SRRM4: variants seen among roughly 807,000 people sequenced by gnomAD.
SRRM4 encodes the protein serine/arginine repetitive matrix protein 4.
A neutral mutation model predicts 68.9 loss-of-function variants in SRRM4; 33 were observed. The ratio of observed to expected loss-of-function variants is 0.48; its 90% CI spans 0.36 to 0.64. SRRM4 has a LOEUF of 0.64. Ranked by LOEUF, SRRM4 falls within the 30% of genes least tolerant of loss-of-function variation. The probability of loss-of-function intolerance (pLI) is 0.00; values close to 1 mark genes in which losing one functional copy is unlikely to be tolerated. For missense variants in SRRM4, 817 were observed against 827.1 expected (o/e 0.99, Z 0.15); for synonymous variants, 318 against 318.8 (o/e 1.00, Z 0.03).
At chr12:119,068,010 C>G (rs958014904) in intron 1 of SRRM4, among the ~76,000 whole-genome samples, 1 of 152,220 alleles carries the variant, frequency 6.6e-6, no homozygotes, top group Non-Finnish European at 1.5e-5. Context: ...CACACCTTAC[C>G]TAGCAGATGT....
At chr12:119,016,950 C>A (rs1953485748) in intron 1 of SRRM4, among the ~76,000 whole-genome samples, 1 of 152,112 alleles carries the variant, frequency 6.6e-6, no homozygotes, top group Non-Finnish European at 1.5e-5. Context: ...GGATTAAATA[C>A]CACCTACTTC....
intron 10 of SRRM4, 58 bp downstream of exon 10, chr12:119,151,278 T>C: frequency 6.8e-7 from 1 of 1,478,970 alleles, no homozygotes; most frequent in Non-Finnish European, 9.5e-7. Context: ...AATTAGTTAA[T>C]TGCAGATGTC....
rs755387792 is a variant in SRRM4 at position 119,122,280 on chromosome 12, AAGGCAGGAAGGC to A, written c.515+164_515+175del. On this transcript the variant is annotated intron_variant, in intron 6 of 12. Coordinates refer to ENST00000267260, the MANE Select transcript of SRRM4 (RefSeq NM_194286.4). ...GAAGGCAGGAAGGCAGGAAGGCAGGAAGGCAGGAAGGCAGGAAGGAAGGAAGGAAGGAAGGAA... is the reference window on the plus strand; with the variant it reads ...GAAGGCAGGAAGGCAGGAAGGCAGGAAGGAAGGAAGGAAGGAAGGAAGGAA... Among the ~76,000 whole-genome samples the A allele has an allele frequency of 8.3e-3, 798 of 96,654 alleles. 2 individuals are homozygous for A. The highest frequency in any genetic ancestry group is 0.012 in the Non-Finnish European group (543 of 45,044). 63.4% of individuals were successfully genotyped at this position (96,654 alleles called of 152,430 possible). A position where few individuals can be genotyped will look rare whatever the true frequency, so the allele number is the denominator to read the frequency against.
In SRRM4 at chr12:119,130,806, T is replaced by G; in HGVS notation, c.743T>G (p.Met248Arg). Residue 248 changes from methionine (M) to arginine (R), a missense_variant, in exon 8 of 13, where the codon ATG becomes AGG. Physicochemically the swap from Met to Arg is moderately conservative, Grantham distance 91. Transcript: ENST00000267260. ...SSRPPSQPLQ[M>R]LGYLSARGVI... ...CGCCCGCCCAGTCAACCCCTCCAGA[T>G]GCTTGGCTACCTGTCAGCCAGGGGT... 1 of 1,607,106 alleles carries G rather than the reference T, an allele frequency of 6.2e-7. No homozygotes were observed. The highest frequency in any genetic ancestry group is 8.5e-7 in the Non-Finnish European group (1 of 1,179,734).
chr12:119,029,622 G>C (rs1405599575), intron 1 of SRRM4, among the ~76,000 whole-genome samples: 1 of 152,184 alleles, frequency 6.6e-6, no homozygotes, highest in East Asian at 1.9e-4. Context: ...TTACAAACTA[G>C]ACTTAGCTTT....
rs181524841 is a variant in SRRM4, at chr12:119,070,990, T to C, written c.132-31246T>C. Among the ~76,000 whole-genome samples, 557 of 152,318 alleles carry C rather than the reference T, an allele frequency of 3.7e-3. 6 individuals are homozygous for C. The highest frequency in any genetic ancestry group is 0.012 in the African/African-American group (497 of 41,572). ...AGGACTGGCTATGAGCTGATGAAGCTGGATGCTTGGGTATGACCTCTCCCA... is the reference window on the plus strand; with the variant it reads ...AGGACTGGCTATGAGCTGATGAAGCCGGATGCTTGGGTATGACCTCTCCCA... On this transcript the variant is annotated intron_variant, in intron 1 of 12. Transcript: ENST00000267260.
chr12:119,091,704 T>C (rs1954015268), intron 1 of SRRM4, among the ~76,000 whole-genome samples: 1 of 152,156 alleles, frequency 6.6e-6, no homozygotes, highest in Admixed American at 6.5e-5. Context: ...TGGTGAGTGG[T>C]CAGGCAGAGT....
intron 7 of SRRM4, among the ~76,000 whole-genome samples, chr12:119,129,871 AAATG>A (rs1246037336): frequency 8.3e-6 from 1 of 120,482 alleles, no homozygotes; most frequent in Non-Finnish European, 1.8e-5. Flanking sequence ...TTAGTTGGAC[AAATG>A]GATGGATGGA....
At chr12:119,136,592 CAGA>C (rs1328457615) in intron 8 of SRRM4, among the ~76,000 whole-genome samples, 1 of 152,082 alleles carries the variant, frequency 6.6e-6, no homozygotes. Flanking sequence ...ATTTTACCAT[CAGA>C]AGAAGTAGGA....
At chr12:119,103,868 A>G (rs755964323) in intron 2 of SRRM4, among the ~76,000 whole-genome samples, 3 of 152,044 alleles carry the variant, frequency 2.0e-5, no homozygotes, top group Non-Finnish European at 4.4e-5. Context: ...GCCAGGTGTG[A>G]TGGTGCACAC....
Position 118,982,584 on chromosome 12 carries a change from A to G in SRRM4, c.131+571A>G, listed in dbSNP as rs568699176. Among the ~76,000 whole-genome samples the G allele has an allele frequency of 3.2e-4, 49 of 151,816 alleles. No homozygotes were observed. The Middle Eastern group carries it at 0.017, about 53-fold the overall frequency. ...GCTGCTGCTGAATTCTCTCCTCTCC[A>G]GCATCCAAAACCAAGACTCTGAGCT... On this transcript the variant is annotated intron_variant, in intron 1 of 12. Transcript: ENST00000267260.
At position 119,156,631 on chromosome 12, in the gene SRRM4, C is replaced by T. The variant is rs746763503; in HGVS notation, c.1669C>T (p.Arg557Trp). ...RSYSRSRSRSRSRRRSRTRTS... is the reference protein window; with the variant it reads ...RSYSRSRSRSWSRRRSRTRTS... ...CTACTCCCGGAGCCGGAGTCGGAGC[C>T]GGAGCCGGAGACGGAGCCGGACCCG... The change falls in exon 13 of 13, where the codon CGG becomes TGG. Residue 557 changes from arginine to tryptophan, a missense_variant. Transcript: ENST00000267260. 75 of 1,600,624 alleles carry T rather than the reference C, an allele frequency of 4.7e-5. No individual in the cohort carries two copies. The highest frequency in any genetic ancestry group is 1.0e-4 in the Admixed American group (6 of 58,786).
Position 119,087,425 on chromosome 12 carries a change from C to T in SRRM4, c.132-14811C>T, listed in dbSNP as rs181860204. Among the ~76,000 whole-genome samples, 25 of 152,316 alleles carry T rather than the reference C, an allele frequency of 1.6e-4. 1 individual carries two copies. The East Asian group carries it at 4.4e-3, about 27-fold the overall frequency. On this transcript the variant is annotated intron_variant, in intron 1 of 12. Coordinates refer to ENST00000267260, the MANE Select transcript of SRRM4 (RefSeq NM_194286.4). The stretch of plus-strand genomic sequence containing the variant: ...GGGCCTTTTGCCTGCCAGGGCCTGG[C>T]TCAGAAGCTCCCAGAGGTCCATGTA...
intron 2 of SRRM4, among the ~76,000 whole-genome samples, chr12:119,113,585 T>TA (rs1490227237): frequency 2.0e-5 from 3 of 152,200 alleles, no homozygotes; most frequent in Non-Finnish European, 4.4e-5. Context: ...GAGGTTCCAC[T>TA]AGGTTGGCAT....
chr12:119,009,740 G>A (rs1263691597), intron 1 of SRRM4, among the ~76,000 whole-genome samples: 1 of 152,134 alleles, frequency 6.6e-6, no homozygotes, highest in Middle Eastern at 3.2e-3. Flanking sequence ...CTGTATACAG[G>A]CACTGTGCTA....
chr12:119,094,050 TC>T (rs1381810469), intron 1 of SRRM4, among the ~76,000 whole-genome samples: 1 of 152,122 alleles, frequency 6.6e-6, no homozygotes. Flanking sequence ...TCCACATGAT[TC>T]TTTTGTCCTT....
chr12:118,996,299 T>G (rs966490769), intron 1 of SRRM4, among the ~76,000 whole-genome samples: 4 of 152,226 alleles, frequency 2.6e-5, no homozygotes, highest in African/African-American at 9.6e-5. Context: ...TGAGGTCTTT[T>G]GCTGTGCATA....
chr12:119,109,240 T>G (rs983084603), intron 2 of SRRM4, among the ~76,000 whole-genome samples: 1 of 152,214 alleles, frequency 6.6e-6, no homozygotes, highest in African/African-American at 2.4e-5. Context: ...CCTTTCTCTC[T>G]GGCTGCCCTT....
intron 1 of SRRM4, among the ~76,000 whole-genome samples, chr12:119,049,277 C>G (rs529194808): frequency 1.3e-5 from 2 of 152,276 alleles, no homozygotes; most frequent in East Asian, 3.9e-4. Context: ...AGTGTGGAAA[C>G]AATCCAGGAG....
Sources: allele counts gnomAD v4.1 joint callset (sites outside exome capture counted in the v4.1 genomes callset), GRCh38; gene constraint gnomAD v4.1.1; transcripts MANE v1.5; gene names NCBI Gene and HGNC (gene_info 2026-07-23, HGNC 2026-07-21).